DNM1L: variants seen among roughly 807,000 people sequenced by gnomAD.
DNM1L encodes the protein dynamin 1L.
Under a neutral mutation model 92.8 loss-of-function variants are expected in DNM1L, and 33 were observed. That is an observed-to-expected ratio of 0.36 (90% CI 0.27 to 0.48). The LOEUF (loss-of-function observed/expected upper bound fraction) is 0.48. Among genes scored for constraint, DNM1L ranks in the 20% least tolerant of loss-of-function variants. The pLI is 0.99. For missense variants in DNM1L, 485 were observed against 888.8 expected, an observed-to-expected ratio of 0.55 and a Z score of 5.78; for synonymous variants, 284 against 305.0, an observed-to-expected ratio of 0.93 and a Z score of 0.72.
At chr12:32,690,108 G>C (rs1565490096) in intron 1 of DNM1L, among the ~76,000 whole-genome samples, 1 of 152,160 alleles carries the variant, frequency 6.6e-6, no homozygotes, top group Admixed American at 6.5e-5. Context: ...CCCAGACATG[G>C]GATGTTTAAA....
intron 1 of DNM1L, among the ~76,000 whole-genome samples, chr12:32,686,017 G>A (rs1951996629): frequency 2.0e-5 from 3 of 148,826 alleles, no homozygotes; most frequent in Admixed American, 2.0e-4. Flanking sequence ...ACAAAATTGA[G>A]GTGAAATTTG....
intron 4 of DNM1L, among the ~76,000 whole-genome samples, chr12:32,710,290 G>A (rs1433188396): frequency 6.6e-6 from 1 of 152,220 alleles, no homozygotes; most frequent in East Asian, 1.9e-4. Flanking sequence ...GAACCAGGCT[G>A]ATTTGGACAA....
At chr12:32,712,894 T>G (rs985974794) in intron 5 of DNM1L, among the ~76,000 whole-genome samples, 1 of 152,122 alleles carries the variant, frequency 6.6e-6, no homozygotes, top group Non-Finnish European at 1.5e-5. Flanking sequence ...GAAAAGTGCC[T>G]AAAATAGAGT....
In DNM1L at chr12:32,718,622, T is replaced by G. The variant is rs1953660518; in HGVS notation, c.620-21T>G. 2.5e-6 allele frequency: 4 copies of G among 1,613,264 alleles called. No individual in the cohort carries two copies. In the African/African-American group the frequency reaches 5.3e-5, roughly 22 times the overall value. On this transcript the variant is annotated intron_variant, in intron 6 of 19. Coordinates refer to ENST00000549701, the MANE Select transcript of DNM1L (RefSeq NM_012062.5). ...CATTTTCTTTCTTTTCTTTGCCCTT[T>G]TTTCTTTTTGCATTTACCAGGTCGC...
chr12:32,698,207 G>T (rs1952551036), intron 1 of DNM1L, among the ~76,000 whole-genome samples: 1 of 152,114 alleles, frequency 6.6e-6, no homozygotes, highest in Non-Finnish European at 1.5e-5. Flanking sequence ...CAGCATTTGT[G>T]TTTTCCATCA....
intron 9 of DNM1L, chr12:32,729,052 A>C (rs1265180581): frequency 1.3e-5 from 2 of 152,222 alleles, no homozygotes; most frequent in South Asian, 4.1e-4. Flanking sequence ...TGGCTTCCCA[A>C]AGTGCTGGGA....
rs1286776044 is a variant in DNM1L, at chr12:32,745,288, AAAAAC to A, written c.*1883_*1887del. 1 of 224,736 alleles carries A rather than the reference AAAAAC, an allele frequency of 4.4e-6. No individual in the cohort carries two copies. The allele number at this position is 224,736 out of a possible 1,614,324, so 13.9% of individuals were successfully genotyped here. A position where few individuals can be genotyped will look rare whatever the true frequency, so the allele number is the denominator to read the frequency against. On this transcript the variant is annotated 3_prime_UTR_variant, in exon 20 of 20. Coordinates refer to ENST00000549701, the MANE Select transcript of DNM1L (RefSeq NM_012062.5). Reference sequence around the variant, plus strand: ...AGTCCTTTGAATTTGTAAGGGGAAAAAAAACAAAAACAAAAACTTACGATGCACTT... The same window carrying A: ...AGTCCTTTGAATTTGTAAGGGGAAAAAAAAACAAAAACTTACGATGCACTT...
intron 1 of DNM1L, among the ~76,000 whole-genome samples, chr12:32,698,764 GT>G (rs1952574097): frequency 1.3e-5 from 2 of 152,178 alleles, no homozygotes; most frequent in South Asian, 4.1e-4. Context: ...TATAATAGAG[GT>G]TTATATAGTA....
At chr12:32,724,922 A>G (rs1280211960) in intron 9 of DNM1L, among the ~76,000 whole-genome samples, 1 of 151,992 alleles carries the variant, frequency 6.6e-6, no homozygotes, top group Non-Finnish European at 1.5e-5. Context: ...ATTTTAATAC[A>G]TAGTAAACAG....
rs116078886 is a variant in DNM1L at position 32,714,097 on chromosome 12, T to G, written c.619+726T>G. On this transcript the variant is annotated intron_variant, in intron 6 of 19. Transcript: ENST00000549701. ...CTATTGTTGCTAACAAATGTATGCA[T>G]GGCCTCATATAGAAACCATTTTTTT... Among the ~76,000 whole-genome samples the G allele has an allele frequency of 2.7e-3, 416 of 152,256 alleles. 1 individual carries two copies. The highest frequency in any genetic ancestry group is 9.8e-3 in the African/African-American group (406 of 41,550).
At chr12:32,722,899 A>G (rs1953873185) in intron 9 of DNM1L, 1 of 158,402 alleles carries the variant, frequency 6.3e-6, no homozygotes, top group Admixed American at 6.5e-5. Flanking sequence ...TTTAATAAGT[A>G]TTAAATATTT....
In DNM1L at chr12:32,732,585, T is replaced by TA. The variant is rs753765072; in HGVS notation, c.1446+644dup. ...GATGGTGAACCCCGTGGAGGTTTACTAAGAGTACAAAACCATCCTTGGAAT... is the reference window on the plus strand; with the variant it reads ...GATGGTGAACCCCGTGGAGGTTTACTAAAGAGTACAAAACCATCCTTGGAAT... On this transcript the variant is annotated intron_variant, in intron 12 of 19. Coordinates refer to ENST00000549701, the MANE Select transcript of DNM1L (RefSeq NM_012062.5). 2.8e-4 allele frequency: 128 copies of TA among 456,070 alleles called. 3 individuals are homozygous for TA. The highest frequency in any genetic ancestry group is 2.0e-3 in the South Asian group (126 of 64,566). 28.3% of individuals were successfully genotyped at this position (456,070 alleles called of 1,614,324 possible).
intron 7 of DNM1L, 81 bp from the exon 8 acceptor site, chr12:32,720,583 C>T (rs1953757037): frequency 6.3e-7 from 1 of 1,578,852 alleles, no homozygotes; most frequent in South Asian, 1.1e-5. Context: ...TATTAGAGAA[C>T]AATGCCTGGT....
At chr12:32,679,773 T>C (rs2137181770) in intron 1 of DNM1L, 10 of 1,068,924 alleles carry the variant, frequency 9.4e-6, no homozygotes, top group Non-Finnish European at 1.1e-5. Context: ...GGAACTGGAG[T>C]CCGCTGGGAC....
intron 9 of DNM1L, among the ~76,000 whole-genome samples, chr12:32,724,499 C>T (rs7300573): frequency 0.14 from 20,950 of 147,968 alleles, 1,520 homozygotes; most frequent in Middle Eastern, 0.19. Flanking sequence ...TCGCTTGAAC[C>T]CAGGTGGTGG....
chr12:32,695,318 A>G (rs1384617963), intron 1 of DNM1L, among the ~76,000 whole-genome samples: 1 of 152,224 alleles, frequency 6.6e-6, no homozygotes, highest in Non-Finnish European at 1.5e-5. Context: ...TTAGACAAGG[A>G]AATGAAAGCA....
At chr12:32,702,307 ATATAT>A (rs557183001) in intron 2 of DNM1L, among the ~76,000 whole-genome samples, 258 of 151,994 alleles carry the variant, frequency 1.7e-3, no homozygotes, top group African/African-American at 5.8e-3. Flanking sequence ...TAAATTGAAA[ATATAT>A]TAGGGAATGC....
At chr12:32,734,213 C>CT (rs1410253392) in intron 13 of DNM1L, among the ~76,000 whole-genome samples, 1 of 152,168 alleles carries the variant, frequency 6.6e-6, no homozygotes. Context: ...TTTTTCACCA[C>CT]TACTGGGGTG....
At chr12:32,707,812 G>A (rs11833645) in intron 3 of DNM1L, among the ~76,000 whole-genome samples, 3 of 151,808 alleles carry the variant, frequency 2.0e-5, no homozygotes, top group Non-Finnish European at 4.4e-5. Flanking sequence ...TTAGCCCCGC[G>A]TGGTGGCATG....
Sources: allele counts gnomAD v4.1 joint callset (sites outside exome capture counted in the v4.1 genomes callset), GRCh38; gene constraint gnomAD v4.1.1; transcripts MANE v1.5; gene names NCBI Gene and HGNC (gene_info 2026-07-23, HGNC 2026-07-21).